The following NCKAP1 variants were observed in gnomAD, a reference collection of about 807,000 sequenced individuals.
NCKAP1 encodes NCK associated protein 1, also known as nck-associated protein 1.
A neutral mutation model predicts 151.2 loss-of-function variants in NCKAP1; 21 were observed. The ratio of observed to expected loss-of-function variants is 0.14; its 90% confidence interval spans 0.10 to 0.20. NCKAP1 has a LOEUF of 0.20. Ranked by LOEUF, NCKAP1 falls within the 10% of genes least tolerant of loss-of-function variation. NCKAP1 has a pLI of 1.00. For missense variants in NCKAP1, 933 were observed against 1,352.1 expected, an observed-to-expected ratio of 0.69 and a Z score of 4.86; for synonymous variants, 484 against 451.8, an observed-to-expected ratio of 1.07 and a Z score of -0.90.
chr2:182,965,540 A>G (rs549960445), intron 16 of NCKAP1, among the ~76,000 whole-genome samples: 1 of 152,280 alleles, frequency 6.6e-6, no homozygotes, highest in East Asian at 1.9e-4. Flanking sequence ...ATCTAAATGT[A>G]AAAGAATGTG....
intron 23 of NCKAP1, among the ~76,000 whole-genome samples, chr2:182,943,897 G>T (rs753156742): frequency 1.3e-5 from 2 of 152,166 alleles, no homozygotes; most frequent in Non-Finnish European, 2.9e-5. Context: ...TTGAATTCGG[G>T]TATGTCTCAC....
intron 2 of NCKAP1, among the ~76,000 whole-genome samples, chr2:183,022,064 C>T (rs148898832): frequency 2.1e-3 from 313 of 152,124 alleles, no homozygotes; most frequent in African/African-American, 6.9e-3. Flanking sequence ...ACAGTTTGCC[C>T]GGCATATCAA....
In NCKAP1 at chr2:182,912,842, G is replaced by GGAAGGAAGGA. The variant is rs1553507187; in HGVS notation, c.*12859_*12860insTCCTTCCTTC. 4.3e-5 allele frequency: 1 copy of GGAAGGAAGGA among 23,350 alleles called. No homozygotes were observed. The highest frequency in any genetic ancestry group is 7.1e-4 in the Admixed American group (1 of 1,406). The allele number at this position is 23,350 out of a possible 1,614,324, so 1.4% of individuals were successfully genotyped here. On this transcript the variant is annotated 3_prime_UTR_variant, in exon 31 of 31. Transcript: ENST00000361354. The stretch of plus-strand genomic sequence containing the variant: ...CAGATCTCAAAACCAAAGAAAGATA[G>GGAAGGAAGGA]AGGAAGAAAGGAAGGAAGGAAGGAA...
intron 23 of NCKAP1, among the ~76,000 whole-genome samples, chr2:182,943,475 T>A (rs6735651): frequency 2.0e-5 from 3 of 152,028 alleles, no homozygotes; most frequent in Non-Finnish European, 4.4e-5. Flanking sequence ...GGCTGCCTGC[T>A]CTCTCTGGGC....
At chr2:182,984,423 G>GGTGTGTGT (rs4018678) in intron 10 of NCKAP1, among the ~76,000 whole-genome samples, 3 of 144,280 alleles carry the variant, frequency 2.1e-5, no homozygotes, top group Non-Finnish European at 4.7e-5. Flanking sequence ...TTTAGATTGG[G>GGTGTGTGT]GTGTGTGTGT....
chr2:182,995,009 C>T, intron 7 of NCKAP1, 122 bp from the exon 8 acceptor site: 1 of 744,946 alleles, frequency 1.3e-6, no homozygotes. Flanking sequence ...AATACTACCA[C>T]AACAAATTTG....
At chr2:182,960,993 C>A (rs945551565) in intron 18 of NCKAP1, among the ~76,000 whole-genome samples, 2 of 152,222 alleles carry the variant, frequency 1.3e-5, no homozygotes, top group Admixed American at 1.3e-4. Flanking sequence ...CTCATCATCA[C>A]TGGCCATCAG....
chr2:182,930,632 C>T (rs1696743498), intron 27 of NCKAP1, 63 bp downstream of exon 27: 1 of 1,270,824 alleles, frequency 7.9e-7, no homozygotes, highest in Non-Finnish European at 1.1e-6. Flanking sequence ...AATATCATAC[C>T]TATACCTATG....
At chr2:183,021,156 T>C (rs1451434550) in intron 2 of NCKAP1, among the ~76,000 whole-genome samples, 1 of 152,080 alleles carries the variant, frequency 6.6e-6, no homozygotes, top group South Asian at 2.1e-4. Flanking sequence ...CCAAGAGAAA[T>C]GAAAACATAT....
At chr2:183,036,045 TATA>T (rs1169591616) in intron 1 of NCKAP1, among the ~76,000 whole-genome samples, 1 of 152,150 alleles carries the variant, frequency 6.6e-6, no homozygotes, top group Non-Finnish European at 1.5e-5. Flanking sequence ...TTGACATGGA[TATA>T]ATAATGATCA....
intron 16 of NCKAP1, 28 bp from the exon 17 acceptor site, chr2:182,964,836 T>C (rs772921223): frequency 1.9e-6 from 3 of 1,552,872 alleles, no homozygotes; most frequent in Non-Finnish European, 2.6e-6. Context: ...AGAATCACAA[T>C]TTTTACATTT....
chr2:182,939,053 AGGTAT>A (rs1696941264), intron 24 of NCKAP1, among the ~76,000 whole-genome samples: 1 of 152,228 alleles, frequency 6.6e-6, no homozygotes. Context: ...GATGGCAGAA[AGGTAT>A]GTGAATAGAA....
rs991378078 is a variant in NCKAP1 at position 182,912,810 on chromosome 2, C to T, written c.*12892G>A. The T allele has an allele frequency of 1.7e-4, 18 of 107,898 alleles. No homozygotes were observed. Among genetic ancestry groups the T allele is most frequent in the South Asian group, 6.6e-4 (2 of 3,036 alleles). The allele number at this position is 107,898 out of a possible 1,614,324, so 6.7% of individuals were successfully genotyped here. A position where few individuals can be genotyped will look rare whatever the true frequency, so the allele number is the denominator to read the frequency against. On this transcript the variant is annotated 3_prime_UTR_variant, in exon 31 of 31. Coordinates refer to ENST00000361354, the MANE Select transcript of NCKAP1 (RefSeq NM_013436.5). ...TTAAAATATGTGCACTAGCACAATACTATAGACAGATCTCAAAACCAAAGA... is the reference window on the plus strand; with the variant it reads ...TTAAAATATGTGCACTAGCACAATATTATAGACAGATCTCAAAACCAAAGA...
chr2:182,926,200 C>T (rs1042958982), intron 30 of NCKAP1, among the ~76,000 whole-genome samples: 2 of 151,622 alleles, frequency 1.3e-5, no homozygotes, highest in African/African-American at 4.8e-5. Context: ...AACATAAGAC[C>T]GACTATAATG....
In NCKAP1 at chr2:182,956,613, A is replaced by G. The variant is rs968812514; in HGVS notation, c.2022-20T>C. On this transcript the variant is annotated intron_variant, in intron 19 of 30. Transcript: ENST00000361354. The stretch of plus-strand genomic sequence containing the variant: ...TCAAGGCTGAAAAAAATTAATAAAC[A>G]GTTAAAATGTTCACATGTCATCACA... The G allele has an allele frequency of 6.3e-7, 1 of 1,591,262 alleles. No homozygotes were observed. Among genetic ancestry groups the G allele is most frequent in the South Asian group, 1.2e-5 (1 of 85,170 alleles).
chr2:182,954,139 G>A (rs530482846), intron 20 of NCKAP1, among the ~76,000 whole-genome samples: 103 of 152,294 alleles, frequency 6.8e-4, no homozygotes, highest in Middle Eastern at 3.4e-3. Context: ...TTGGGAAGTG[G>A]TTATGACTAG....
rs540362319 is a variant in NCKAP1 at position 183,015,541 on chromosome 2, A to C, written c.219+8265T>G. Among the ~76,000 whole-genome samples, 10 of 152,144 alleles carry C rather than the reference A, an allele frequency of 6.6e-5. No homozygotes were observed. In the East Asian group the frequency reaches 1.7e-3, roughly 26 times the overall value. On this transcript the variant is annotated intron_variant, in intron 2 of 30. Coordinates refer to ENST00000361354, the MANE Select transcript of NCKAP1 (RefSeq NM_013436.5). ...ATTATAAGGCCAAATAAATTTAAAG[A>C]AAGTAAAAAGGCTTATAACTATAAT...
At chr2:182,953,508 A>G (rs925371573) in intron 20 of NCKAP1, among the ~76,000 whole-genome samples, 177 bp from the exon 21 acceptor site, 7 of 152,240 alleles carry the variant, frequency 4.6e-5, no homozygotes, top group Non-Finnish European at 1.0e-4. Context: ...GCGTAAAAAA[A>G]GAATGAAGGC....
rs144313836 is a variant in NCKAP1, at chr2:182,969,948, T to G, written c.1483-2587A>C. Among the ~76,000 whole-genome samples the G allele has an allele frequency of 4.4e-3, 667 of 151,942 alleles. 14 individuals are homozygous for G. The East Asian group carries it at 0.055, about 13-fold the overall frequency. ...AAAATCAGAAATAGAAAAGGAGACA[T>G]TACAACTGATACCAAAAACTTCCAA... On this transcript the variant is annotated intron_variant, in intron 15 of 30. Transcript: ENST00000361354.
Sources: allele counts gnomAD v4.1 joint callset (sites outside exome capture counted in the v4.1 genomes callset), GRCh38; gene constraint gnomAD v4.1.1; transcripts MANE v1.5; gene names NCBI Gene and HGNC (gene_info 2026-07-23, HGNC 2026-07-21).